NDST4: variants seen among roughly 807,000 people sequenced by gnomAD.
NDST4 encodes N-heparan sulfate sulfotransferase 4.
A neutral mutation model predicts 100.8 loss-of-function variants in NDST4; 63 were observed. The observed-to-expected ratio is 0.62, with a 90% CI of 0.51 to 0.77. The LOEUF (loss-of-function observed/expected upper bound fraction) is 0.77. NDST4 is among the 30% of genes least tolerant of loss of function. NDST4 has a pLI of 0.00. For synonymous variants in NDST4, 377 were observed against 361.8 expected (o/e 1.04, Z -0.48); for missense variants, 943 against 1,018.4 (o/e 0.93, Z 1.01).
intron 6 of NDST4, among the ~76,000 whole-genome samples, chr4:114,884,114 AG>A (rs1366587013): frequency 6.6e-6 from 1 of 152,170 alleles, no homozygotes; most frequent in African/African-American, 2.4e-5. Flanking sequence ...ACTTATAATG[AG>A]AAAGATTATT....
At chr4:115,092,332 G>A (rs73848379) in intron 1 of NDST4, among the ~76,000 whole-genome samples, 4,840 of 152,242 alleles carry the variant, frequency 0.032, 261 homozygotes, top group African/African-American at 0.11. Context: ...GCATGCCCAT[G>A]ACTTGGCTGT....
intron 2 of NDST4, among the ~76,000 whole-genome samples, chr4:115,072,115 G>A (rs935633889): frequency 6.6e-6 from 1 of 152,018 alleles, no homozygotes; most frequent in Non-Finnish European, 1.5e-5. Flanking sequence ...ACTAAGACAT[G>A]TTATAGTCAA....
At chr4:114,932,785 C>A (rs984890232) in intron 6 of NDST4, among the ~76,000 whole-genome samples, 16 of 151,844 alleles carry the variant, frequency 1.1e-4, no homozygotes, top group Non-Finnish European at 1.9e-4. Context: ...AAGTTAAATA[C>A]CTATATACCA....
intron 2 of NDST4, among the ~76,000 whole-genome samples, chr4:115,038,921 G>A (rs552337593): frequency 3.3e-4 from 51 of 152,240 alleles, no homozygotes; most frequent in African/African-American, 1.0e-3. Flanking sequence ...TCAAGGCCAC[G>A]GTGAGCTGTG....
In NDST4 at chr4:114,968,260, C is replaced by T. The variant is rs149715275; in HGVS notation, c.1221+2170G>A. ...TGCTTCCAAAGATGGCTTAAAACAA[C>T]GAAAATATCAGTAAATCACACAGTA... On this transcript the variant is annotated intron_variant, in intron 4 of 13. Coordinates refer to ENST00000264363, the MANE Select transcript of NDST4 (RefSeq NM_022569.3). Among the ~76,000 whole-genome samples, 395 of 152,142 alleles carry T rather than the reference C, an allele frequency of 2.6e-3. 3 individuals are homozygous for T. Among genetic ancestry groups the T allele is most frequent in the African/African-American group, 6.2e-3 (257 of 41,520 alleles).
intron 6 of NDST4, among the ~76,000 whole-genome samples, chr4:114,909,577 G>A (rs1172289328): frequency 3.3e-5 from 5 of 149,614 alleles, no homozygotes; most frequent in African/African-American, 9.9e-5. Context: ...GGAGAATGGC[G>A]TGAACCCGGG....
In NDST4 at chr4:115,092,505, C is replaced by T. The variant is rs770417165; in HGVS notation, c.-246-15223G>A. 9.6e-4 allele frequency among the ~76,000 whole-genome samples: 146 copies of T among 152,040 alleles called. 1 individual carries two copies. Among genetic ancestry groups the T allele is most frequent in the Non-Finnish European group, 1.6e-3 (109 of 67,994 alleles). ...TCTAAATGAACGTGAGTATAGAATA[C>T]GGTAATAATAAAATCCTGAGGGATT... On this transcript the variant is annotated intron_variant, in intron 1 of 13. Coordinates refer to ENST00000264363, the MANE Select transcript of NDST4 (RefSeq NM_022569.3).
chr4:114,871,023 C>A (rs1003434895), intron 6 of NDST4, 73 bp from the exon 7 acceptor site: 19 of 1,054,670 alleles, frequency 1.8e-5, no homozygotes, highest in Non-Finnish European at 2.4e-5. Flanking sequence ...AAGCCCCAGG[C>A]AGCACCTCAC....
chr4:114,981,871 CAA>C (rs1726781207), intron 2 of NDST4, among the ~76,000 whole-genome samples: 1 of 152,106 alleles, frequency 6.6e-6, no homozygotes, highest in Non-Finnish European at 1.5e-5. Context: ...AATCTCACAT[CAA>C]ATTGTAATCC....
intron 2 of NDST4, among the ~76,000 whole-genome samples, chr4:115,047,614 A>G (rs1728491513): frequency 6.6e-6 from 1 of 152,132 alleles, no homozygotes; most frequent in South Asian, 2.1e-4. Flanking sequence ...TAATGCTATT[A>G]CACAAAATAT....
chr4:114,986,832 A>ATATATATTTTTTTTTTTT lies in NDST4; in HGVS notation c.979-9559_979-9558insAAAAAAAAAAAATATATA. On this transcript the variant is annotated intron_variant, in intron 2 of 13. Transcript: ENST00000264363. ...TATATATATATATATATATATATAT[A>ATATATATTTTTTTTTTTT]TTTTAATATACTATTCCTATAAGCT... Among the ~76,000 whole-genome samples the ATATATATTTTTTTTTTTT allele has an allele frequency of 1.3e-4, 12 of 94,650 alleles. No individual in the cohort carries two copies. In the South Asian group the frequency reaches 1.3e-3, roughly 10 times the overall value. The allele number at this position is 94,650 out of a possible 152,430, so 62.1% of individuals were successfully genotyped here.
chr4:115,002,201 GC>G (rs1727305977), intron 2 of NDST4, among the ~76,000 whole-genome samples: 1 of 152,164 alleles, frequency 6.6e-6, no homozygotes, highest in Admixed American at 6.6e-5. Context: ...AGTCTAGCTG[GC>G]ATGAGATGGT....
At chr4:115,032,894 T>C (rs891857686) in intron 2 of NDST4, among the ~76,000 whole-genome samples, 4 of 151,952 alleles carry the variant, frequency 2.6e-5, no homozygotes, top group African/African-American at 9.7e-5. Context: ...CTTGTTCCTC[T>C]ATAAATACTG....
At chr4:114,908,665 T>A (rs897259956) in intron 6 of NDST4, among the ~76,000 whole-genome samples, 3 of 152,176 alleles carry the variant, frequency 2.0e-5, no homozygotes, top group African/African-American at 7.2e-5. Flanking sequence ...AAAGGTTAAA[T>A]TTTCCTCGCT....
intron 2 of NDST4, among the ~76,000 whole-genome samples, chr4:115,027,935 C>T (rs190488571): frequency 6.6e-6 from 1 of 151,944 alleles, no homozygotes; most frequent in Admixed American, 6.6e-5. Flanking sequence ...TGCCTATAAT[C>T]CCAGCTACTC....
intron 11 of NDST4, among the ~76,000 whole-genome samples, chr4:114,837,833 T>A (rs1019421353): frequency 4.6e-5 from 7 of 152,178 alleles, no homozygotes; most frequent in African/African-American, 1.4e-4. Flanking sequence ...AAATGGGATC[T>A]AATTAAACTA....
At chr4:115,061,779 T>C (rs1728829926) in intron 2 of NDST4, among the ~76,000 whole-genome samples, 1 of 151,998 alleles carries the variant, frequency 6.6e-6, no homozygotes, top group Non-Finnish European at 1.5e-5. Flanking sequence ...TCCCAGAACT[T>C]AAAGTATAAT....
intron 7 of NDST4, among the ~76,000 whole-genome samples, chr4:114,857,676 T>C (rs1723825933): frequency 6.6e-6 from 1 of 152,160 alleles, no homozygotes; most frequent in South Asian, 2.1e-4. Flanking sequence ...ACTCTTTCAG[T>C]TGTCAGAGTT....
At chr4:114,899,825 A>T (rs1724796984) in intron 6 of NDST4, among the ~76,000 whole-genome samples, 1 of 152,132 alleles carries the variant, frequency 6.6e-6, no homozygotes. Context: ...TGGTTTTGGT[A>T]CTACTAGGAA....
Sources: gnomAD v4.1 joint callset for allele counts (sites outside exome capture counted in the v4.1 genomes callset) on GRCh38, gnomAD v4.1.1 for gene constraint, MANE v1.5 for transcripts, NCBI Gene and HGNC (gene_info 2026-07-23, HGNC 2026-07-21) for gene names.